Variants in GLDC observed in about 807,000 individuals in gnomAD.
GLDC encodes the protein glycine dehydrogenase (decarboxylating), mitochondrial.
Under a neutral mutation model 121.3 loss-of-function variants are expected in GLDC, and 104 were observed. The observed-to-expected ratio is 0.86, with a 90% CI of 0.73 to 1.01. The LOEUF is 1.01. Ranked by LOEUF, GLDC falls within the 50% of genes least tolerant of loss-of-function variation. The pLI is 0.00. For missense variants in GLDC, 1,429 were observed against 1,306.6 expected, an observed-to-expected ratio of 1.09 and a Z score of -1.44; for synonymous variants, 546 against 480.6, an observed-to-expected ratio of 1.14 and a Z score of -1.78.
intron 4 of GLDC, among the ~76,000 whole-genome samples, chr9:6,607,504 C>G (rs578183855): frequency 6.6e-6 from 1 of 152,186 alleles, no homozygotes; most frequent in East Asian, 1.9e-4. Context: ...ATTGCTTGAA[C>G]CCGGGAGGCA....
chr9:6,612,640 G>T (rs1818882396), intron 3 of GLDC, among the ~76,000 whole-genome samples: 1 of 152,074 alleles, frequency 6.6e-6, no homozygotes, highest in African/African-American at 2.4e-5. Context: ...TGAGGAGGCG[G>T]ATCACGAGGT....
chr9:6,585,571 G>C (rs1818252295), intron 15 of GLDC, among the ~76,000 whole-genome samples: 1 of 152,130 alleles, frequency 6.6e-6, no homozygotes, highest in South Asian at 2.1e-4. Flanking sequence ...GTATTTTATA[G>C]GGTGTATTGT....
intron 3 of GLDC, among the ~76,000 whole-genome samples, chr9:6,619,146 C>CAAAAAAAAAAAAAAAA (rs1162280442): frequency 1.6e-5 from 1 of 60,678 alleles, no homozygotes; most frequent in Non-Finnish European, 3.1e-5. Context: ...CTGTCTCAGG[C>CAAAAAAAAAAAAAAAA]AAAAAAAAAA....
In GLDC at chr9:6,608,411, G is replaced by A. The variant is rs191579025; in HGVS notation, c.636-1742C>T. Among the ~76,000 whole-genome samples the A allele has an allele frequency of 4.4e-3, 656 of 149,600 alleles. 8 individuals are homozygous for A. Among genetic ancestry groups the A allele is most frequent in the African/African-American group, 0.016 (635 of 40,642 alleles). On this transcript the variant is annotated intron_variant, in intron 4 of 24. Coordinates refer to ENST00000321612, the MANE Select transcript of GLDC (RefSeq NM_000170.3). The stretch of plus-strand genomic sequence containing the variant: ...CACTCCAGCCTGAGTGACAGAGTGA[G>A]ACTCTGTCTCAAAAAAAACAAAATA...
intron 15 of GLDC, among the ~76,000 whole-genome samples, chr9:6,571,604 G>A (rs762445486): frequency 1.3e-5 from 2 of 152,158 alleles, no homozygotes; most frequent in Non-Finnish European, 2.9e-5. Flanking sequence ...TGATGGGTGG[G>A]TAGCATATAC....
intron 11 of GLDC, among the ~76,000 whole-genome samples, chr9:6,591,379 C>G (rs1818371530): frequency 2.0e-5 from 3 of 152,156 alleles, no homozygotes; most frequent in Admixed American, 2.0e-4. Context: ...TAATCTTAAG[C>G]TTGTTTATCT....
intron 15 of GLDC, among the ~76,000 whole-genome samples, chr9:6,571,265 G>A (rs116527304): frequency 0.016 from 2,433 of 152,120 alleles, 68 homozygotes; most frequent in African/African-American, 0.056. Context: ...AATATCTTCC[G>A]GGACACCCAG....
chr9:6,611,373 T>A (rs62569046), intron 3 of GLDC, among the ~76,000 whole-genome samples: 3 of 152,052 alleles, frequency 2.0e-5, no homozygotes, highest in Non-Finnish European at 4.4e-5. Flanking sequence ...CTGGCTAACA[T>A]GGTGAAACCC....
At chr9:6,632,317 T>C (rs1454001220) in intron 2 of GLDC, among the ~76,000 whole-genome samples, 1 of 152,210 alleles carries the variant, frequency 6.6e-6, no homozygotes, top group Non-Finnish European at 1.5e-5. Context: ...GAAACATTTA[T>C]CAGTGGAAAC....
intron 8 of GLDC, among the ~76,000 whole-genome samples, chr9:6,600,864 A>G (rs1384001604): frequency 6.6e-6 from 1 of 152,148 alleles, no homozygotes; most frequent in Non-Finnish European, 1.5e-5. Context: ...TTCCTGTTTT[A>G]TCCCATCCTT....
At chr9:6,535,937 G>A (rs1817117277) in intron 23 of GLDC, 127 bp downstream of exon 23, 2 of 854,142 alleles carry the variant, frequency 2.3e-6, no homozygotes, top group Admixed American at 1.8e-5. Flanking sequence ...CATCTTCTCA[G>A]AAGAATTACC....
intron 15 of GLDC, among the ~76,000 whole-genome samples, chr9:6,572,432 G>A (rs1200090301): frequency 6.6e-6 from 1 of 152,186 alleles, no homozygotes; most frequent in Admixed American, 6.5e-5. Context: ...GTGTGGGAAT[G>A]CAGAGCCTTT....
intron 15 of GLDC, among the ~76,000 whole-genome samples, chr9:6,579,145 A>T (rs566145618): frequency 3.2e-3 from 485 of 152,072 alleles, no homozygotes; most frequent in Non-Finnish European, 4.9e-3. Flanking sequence ...GTATATATAT[A>T]TTTTTTCCTT....
chr9:6,607,859 A>G (rs1818767390), intron 4 of GLDC, among the ~76,000 whole-genome samples: 1 of 151,950 alleles, frequency 6.6e-6, no homozygotes, highest in African/African-American at 2.4e-5. Flanking sequence ...ATGGTGGCTC[A>G]CGCCTGTAAT....
At chr9:6,542,827 A>C (rs1587914029) in intron 21 of GLDC, among the ~76,000 whole-genome samples, 1 of 147,198 alleles carries the variant, frequency 6.8e-6, no homozygotes, top group African/African-American at 2.5e-5. Context: ...TCAAGGCTGC[A>C]GTGAGCCGAG....
At chr9:6,579,500 T>G (rs992218242) in intron 15 of GLDC, among the ~76,000 whole-genome samples, 20 of 150,816 alleles carry the variant, frequency 1.3e-4, no homozygotes, top group African/African-American at 4.9e-4. Flanking sequence ...TTCAAGAGTA[T>G]CCCATCCTGA....
At chr9:6,640,703 T>C (rs1658977) in intron 2 of GLDC, among the ~76,000 whole-genome samples, 46,368 of 152,158 alleles carry the variant, frequency 0.3, 7,550 homozygotes, top group East Asian at 0.51. Context: ...AGTTTATCTA[T>C]GATTAGTTCA....
At chr9:6,626,949 G>C (rs1819255132) in intron 2 of GLDC, among the ~76,000 whole-genome samples, 1 of 152,178 alleles carries the variant, frequency 6.6e-6, no homozygotes, top group Non-Finnish European at 1.5e-5. Context: ...GCATCCTGCA[G>C]AGCAGCCACT....
intron 3 of GLDC, among the ~76,000 whole-genome samples, chr9:6,616,722 T>A (rs1253557549): frequency 6.6e-6 from 1 of 152,240 alleles, no homozygotes; most frequent in African/African-American, 2.4e-5. Context: ...TATAAAAAGG[T>A]ATCTGCACAT....
Sources: gnomAD v4.1 joint callset for allele counts (sites outside exome capture counted in the v4.1 genomes callset) on GRCh38, gnomAD v4.1.1 for gene constraint, MANE v1.5 for transcripts, NCBI Gene and HGNC (gene_info 2026-07-23, HGNC 2026-07-21) for gene names.